GPALPP1: variants seen among roughly 807,000 people sequenced by gnomAD.
GPALPP1 encodes the protein GPALPP motifs-containing protein 1.
Under a neutral mutation model 38.9 loss-of-function variants are expected in GPALPP1, and 30 were observed. That is an observed-to-expected ratio of 0.77 (90% confidence interval 0.58 to 1.05). The LOEUF (loss-of-function observed/expected upper bound fraction) is 1.05, where lower values mean the gene tolerates loss of function less well. Ranked by LOEUF, GPALPP1 falls within the 50% of genes least tolerant of loss-of-function variation. The probability of loss-of-function intolerance (pLI) is 0.00; values close to 1 mark genes in which losing one functional copy is unlikely to be tolerated. For missense variants in GPALPP1, 384 were observed against 408.8 expected, an observed-to-expected ratio of 0.94 and a Z score of 0.52; for synonymous variants, 120 against 139.2, an observed-to-expected ratio of 0.86 and a Z score of 0.97.
At chr13:45,022,671 A>G (rs1356752763) in intron 7 of GPALPP1, among the ~76,000 whole-genome samples, 1 of 152,224 alleles carries the variant, frequency 6.6e-6, no homozygotes, top group Non-Finnish European at 1.5e-5. Flanking sequence ...TAATGAAGAC[A>G]AAAACCAATC....
Position 45,030,119 on chromosome 13 carries a change from T to A in GPALPP1, c.*2116T>A, listed in dbSNP as rs1052412427. The A allele has an allele frequency of 3.9e-5, 6 of 152,322 alleles. No homozygotes were observed. The East Asian group carries it at 9.6e-4, about 24-fold the overall frequency. The allele number at this position is 152,322 out of a possible 1,614,324, so 9.4% of individuals were successfully genotyped here. ...CATATCAGTCATGAATAGCCTTTTT[T>A]AAAAATTTAATAATCCCTGAATACA... On this transcript the variant is annotated 3_prime_UTR_variant, in exon 8 of 8. Coordinates refer to ENST00000379151, the MANE Select transcript of GPALPP1 (RefSeq NM_018559.5).
chr13:45,029,876 ATAGT>A lies in GPALPP1; in HGVS notation c.*1878_*1881del, dbSNP rs747279843. On this transcript the variant is annotated 3_prime_UTR_variant, in exon 8 of 8. Coordinates refer to ENST00000379151, the MANE Select transcript of GPALPP1 (RefSeq NM_018559.5). ...AACTATTTTGCTTTTTCCAACTTTA[ATAGT>A]TAGTATTTCTAGGGGAGGCAATCAA... 1 of 152,166 alleles carries A rather than the reference ATAGT, an allele frequency of 6.6e-6. No homozygotes were observed. Among genetic ancestry groups the A allele is most frequent in the Non-Finnish European group, 1.5e-5 (1 of 68,024 alleles). The allele number at this position is 152,166 out of a possible 1,614,324, so 9.4% of individuals were successfully genotyped here. A position where few individuals can be genotyped will look rare whatever the true frequency, so the allele number is the denominator to read the frequency against.
At chr13:45,017,056 A>G (rs1874927622) in intron 6 of GPALPP1, among the ~76,000 whole-genome samples, 1 of 152,164 alleles carries the variant, frequency 6.6e-6, no homozygotes, top group African/African-American at 2.4e-5. Flanking sequence ...AGTTCATTCC[A>G]CTAGCTCTGT....
chr13:45,004,387 C>A lies in GPALPP1; in HGVS notation c.171C>A (p.Tyr57Ter). The A allele has an allele frequency of 6.2e-7, 1 of 1,607,178 alleles. No individual in the cohort carries two copies. The highest frequency in any genetic ancestry group is 8.5e-7 in the Non-Finnish European group (1 of 1,174,034). The change falls in exon 2 of 8, where the codon TAC becomes TAA. Residue 57 changes from tyrosine (Y) to a stop codon, truncating the protein, a stop_gained. Coordinates refer to ENST00000379151, the MANE Select transcript of GPALPP1 (RefSeq NM_018559.5). LOFTEE classifies it high-confidence loss of function. ...SDSDEDSSSL[Y>*]EEGNQESEED... ...GCGATGAAGACAGTAGTTCTTTGTA[C>A]GAAGAAGGAAATCAAGAATCTGAAG...
chr13:44,989,574 CT>C lies in GPALPP1; in HGVS notation c.-80del. The C allele has an allele frequency of 6.7e-7, 1 of 1,492,154 alleles. No homozygotes were observed. Among genetic ancestry groups the C allele is most frequent in the Non-Finnish European group, 9.3e-7 (1 of 1,075,956 alleles). 92.4% of individuals were successfully genotyped at this position (1,492,154 alleles called of 1,614,324 possible). On this transcript the variant is annotated 5_prime_UTR_variant, in exon 1 of 8. Transcript: ENST00000379151. ...GCGCCGGGAAACCTGCCATTCTTCGCTGCTGATCGCGGGATTCTTTTTGGAT... is the reference window on the plus strand; with the variant it reads ...GCGCCGGGAAACCTGCCATTCTTCGCGCTGATCGCGGGATTCTTTTTGGAT...
At chr13:44,990,043 GA>G (rs954849035) in intron 1 of GPALPP1, 1 of 512,148 alleles carries the variant, frequency 2.0e-6, no homozygotes, top group Admixed American at 3.7e-5. Context: ...AGCCGTATAA[GA>G]AAAAAACTAT....
chr13:44,997,560 C>G (rs1322525532), intron 1 of GPALPP1, among the ~76,000 whole-genome samples: 1 of 152,074 alleles, frequency 6.6e-6, no homozygotes, highest in Non-Finnish European at 1.5e-5. Context: ...ACTCCAGCTC[C>G]AAAAACTCAA....
At chr13:45,026,341 A>G (rs894425741) in intron 7 of GPALPP1, among the ~76,000 whole-genome samples, 2 of 152,212 alleles carry the variant, frequency 1.3e-5, no homozygotes, top group Non-Finnish European at 2.9e-5. Flanking sequence ...GATTGAGTTC[A>G]GTTAATTTAT....
chr13:45,000,268 TAAAA>T (rs1873576580), intron 1 of GPALPP1, among the ~76,000 whole-genome samples: 1 of 152,028 alleles, frequency 6.6e-6, no homozygotes, highest in African/African-American at 2.4e-5. Context: ...ATAAATAAAA[TAAAA>T]TTTAAAAATT....
chr13:45,034,925 A>T (rs1876355072), downstream of GPALPP1: 1 of 144,908 alleles, frequency 6.9e-6, no homozygotes, highest in Non-Finnish European at 1.5e-5. Flanking sequence ...TAGTAGAGAC[A>T]GGGTTTCGCC....
chr13:44,995,223 A>G (rs946113821), intron 1 of GPALPP1, among the ~76,000 whole-genome samples: 1 of 69,124 alleles, frequency 1.4e-5, no homozygotes, highest in African/African-American at 4.9e-5. Flanking sequence ...TTTGGTTTCT[A>G]TGATACCATA....
At chr13:45,010,909 G>C (rs1254598709) in intron 4 of GPALPP1, among the ~76,000 whole-genome samples, 2 of 152,206 alleles carry the variant, frequency 1.3e-5, no homozygotes, top group Admixed American at 6.5e-5. Flanking sequence ...CTTGAGCCCA[G>C]GAGGTGGAGG....
rs1491156491 is a variant in GPALPP1 at position 45,019,053 on chromosome 13, A to AT, written c.706-1277_706-1276insT. 5.9e-4 allele frequency among the ~76,000 whole-genome samples: 25 copies of AT among 42,390 alleles called. 1 individual carries two copies. In the East Asian group the frequency reaches 0.019, roughly 33 times the overall value. The allele number at this position is 42,390 out of a possible 152,430, so 27.8% of individuals were successfully genotyped here. On this transcript the variant is annotated intron_variant, in intron 6 of 7. Transcript: ENST00000379151. The stretch of plus-strand genomic sequence containing the variant: ...TATATACATAGAAATATATAAATAT[A>AT]AATATATACATATAAATATATACAT...
chr13:45,002,993 C>G (rs1010234322), intron 1 of GPALPP1, among the ~76,000 whole-genome samples: 1 of 152,232 alleles, frequency 6.6e-6, no homozygotes, highest in Non-Finnish European at 1.5e-5. Context: ...AGCATTTACA[C>G]TATCTGAATT....
chr13:45,015,709 A>T, intron 6 of GPALPP1, 113 bp downstream of exon 6: 1 of 698,228 alleles, frequency 1.4e-6, no homozygotes, highest in Non-Finnish European at 2.1e-6. Context: ...TGATTCCAAA[A>T]GGATAATGCG....
In GPALPP1 at chr13:45,028,041, C is replaced by A; in HGVS notation, c.*38C>A. On this transcript the variant is annotated 3_prime_UTR_variant, in exon 8 of 8. Coordinates refer to ENST00000379151, the MANE Select transcript of GPALPP1 (RefSeq NM_018559.5). ...CAGTGAGGTATATTTTAATACTGAT[C>A]AATGTGAACTTTTCTAAATACTCTA... The A allele has an allele frequency of 9.9e-7, 1 of 1,014,570 alleles. No individual in the cohort carries two copies. The highest frequency in any genetic ancestry group is 1.5e-6 in the Non-Finnish European group (1 of 652,576). The allele number at this position is 1,014,570 out of a possible 1,614,324, so 62.8% of individuals were successfully genotyped here. A position where few individuals can be genotyped will look rare whatever the true frequency, so the allele number is the denominator to read the frequency against.
At chr13:45,014,325 A>G (rs951678594) in intron 4 of GPALPP1, among the ~76,000 whole-genome samples, 3 of 152,230 alleles carry the variant, frequency 2.0e-5, no homozygotes, top group African/African-American at 7.2e-5. Context: ...AAAGCTTACT[A>G]TTGTAGATAT....
chr13:45,024,797 G>A (rs1322731633), intron 7 of GPALPP1, among the ~76,000 whole-genome samples: 7 of 151,856 alleles, frequency 4.6e-5, no homozygotes, highest in Admixed American at 1.3e-4. Context: ...GCGTGGTGGC[G>A]GGCACCTGTA....
At chr13:45,011,293 G>A (rs181966704) in intron 4 of GPALPP1, among the ~76,000 whole-genome samples, 1 of 152,284 alleles carries the variant, frequency 6.6e-6, no homozygotes, top group African/African-American at 2.4e-5. Context: ...TCAGTAACAT[G>A]CAGGTCATTA....
Sources: allele counts gnomAD v4.1 joint callset (sites outside exome capture counted in the v4.1 genomes callset), GRCh38; gene constraint gnomAD v4.1.1; transcripts MANE v1.5; gene names NCBI Gene and HGNC (gene_info 2026-07-23, HGNC 2026-07-21).